Variants in PIGK observed in about 807,000 individuals in gnomAD.
PIGK encodes the protein phosphatidylinositol glycan anchor biosynthesis class K.
PIGK carries 42 observed loss-of-function variants against 50.6 expected under a neutral mutation model. The ratio of observed to expected loss-of-function variants is 0.83; its 90% CI spans 0.65 to 1.07. The LOEUF (loss-of-function observed/expected upper bound fraction) is 1.07. Among genes scored for constraint, PIGK ranks in the 50% least tolerant of loss-of-function variants. The probability of loss-of-function intolerance (pLI) is 0.00; values close to 1 mark genes in which losing one functional copy is unlikely to be tolerated. For synonymous variants in PIGK, 151 were observed against 156.0 expected (o/e 0.97, Z 0.24); for missense variants, 448 against 488.7 (o/e 0.92, Z 0.78).
At chr1:77,124,600 G>T in intron 9 of PIGK, among the ~76,000 whole-genome samples, 1 of 148,372 alleles carries the variant, frequency 6.7e-6, no homozygotes, top group Non-Finnish European at 1.5e-5. Context: ...CAGAGCAAGA[G>T]TCTCAAAACA....
At chr1:77,128,972 A>G (rs2689675) in intron 9 of PIGK, 93,847 of 598,328 alleles carry the variant, frequency 0.16, 9,683 homozygotes, top group African/African-American at 0.36. Context: ...AGTGAAAATT[A>G]CACAAAATTT....
At chr1:77,102,242 G>A (rs561034893) in intron 10 of PIGK, among the ~76,000 whole-genome samples, 1 of 152,314 alleles carries the variant, frequency 6.6e-6, no homozygotes, top group South Asian at 2.1e-4. Flanking sequence ...TCCAGGCTTA[G>A]TTTCCTGGTG....
chr1:77,209,857 A>C (rs1175342974), intron 2 of PIGK, among the ~76,000 whole-genome samples: 4 of 152,080 alleles, frequency 2.6e-5, no homozygotes, highest in African/African-American at 7.2e-5. Flanking sequence ...ATATCTATAT[A>C]TCTTTATGCT....
At chr1:77,133,093 T>G (rs1017351752) in intron 9 of PIGK, among the ~76,000 whole-genome samples, 6 of 152,294 alleles carry the variant, frequency 3.9e-5, no homozygotes, top group Admixed American at 3.3e-4. Context: ...CTTTAAATAT[T>G]GTCTGTTCTT....
chr1:77,149,823 C>T (rs1654853938), intron 9 of PIGK, among the ~76,000 whole-genome samples: 1 of 151,962 alleles, frequency 6.6e-6, no homozygotes, highest in Non-Finnish European at 1.5e-5. Context: ...AAAACATTAT[C>T]CAGGATAGAC....
chr1:77,218,409 A>T (rs1048789185), intron 1 of PIGK, among the ~76,000 whole-genome samples: 4 of 152,184 alleles, frequency 2.6e-5, no homozygotes, highest in Admixed American at 2.6e-4. Context: ...TGGAGAGGTG[A>T]GGGCAATTTT....
In PIGK at chr1:77,133,525, C is replaced by T. The variant is rs536333397; in HGVS notation, c.987-11166G>A. The stretch of plus-strand genomic sequence containing the variant: ...TTGTTTTTCTCTTGGTATATGATTA[C>T]GGTGTACTAGTAATTTTTAATTGAT... On this transcript the variant is annotated intron_variant, in intron 9 of 10. Transcript: ENST00000370812. Among the ~76,000 whole-genome samples the T allele has an allele frequency of 5.9e-5, 9 of 152,128 alleles. No individual in the cohort carries two copies. The South Asian group carries it at 1.0e-3, about 18-fold the overall frequency.
chr1:77,107,308 C>T (rs1272742795), intron 10 of PIGK, among the ~76,000 whole-genome samples: 6 of 152,132 alleles, frequency 3.9e-5, no homozygotes, highest in African/African-American at 1.2e-4. Context: ...TCGTTGGTTT[C>T]GAAGAACATC....
In PIGK at chr1:77,124,406, C is replaced by T. The variant is rs1238467694; in HGVS notation, c.987-2047G>A. 3.3e-5 allele frequency among the ~76,000 whole-genome samples: 5 copies of T among 151,904 alleles called. No individual in the cohort carries two copies. In the South Asian group the frequency reaches 6.2e-4, roughly 19 times the overall value. The stretch of plus-strand genomic sequence containing the variant: ...GGTGCATCTCTTGAAGTCAGGAATT[C>T]GAGACCAGCCTGGCCAACACAGTGA... On this transcript the variant is annotated intron_variant, in intron 9 of 10. Coordinates refer to ENST00000370812, the MANE Select transcript of PIGK (RefSeq NM_005482.3).
chr1:77,161,784 T>TG (rs1480322202), intron 6 of PIGK, 73 bp from the exon 7 acceptor site: 38 of 735,576 alleles, frequency 5.2e-5, no homozygotes, highest in Non-Finnish European at 8.7e-5. Context: ...TACAATACTT[T>TG]TGTAAGATGT....
intron 10 of PIGK, among the ~76,000 whole-genome samples, chr1:77,100,238 T>C (rs539480798): frequency 6.6e-6 from 1 of 152,326 alleles, no homozygotes; most frequent in African/African-American, 2.4e-5. Flanking sequence ...GCATATGAGT[T>C]CAGTTAAATT....
intron 8 of PIGK, among the ~76,000 whole-genome samples, chr1:77,159,158 G>A (rs533327981): frequency 3.3e-5 from 5 of 152,210 alleles, no homozygotes; most frequent in South Asian, 4.1e-4. Flanking sequence ...GGCTAAAATG[G>A]GCCAAAGTAC....
chr1:77,210,924 T>C (rs1343236169), intron 1 of PIGK, among the ~76,000 whole-genome samples: 1 of 152,046 alleles, frequency 6.6e-6, no homozygotes, highest in Admixed American at 6.6e-5. Flanking sequence ...GCATACTTAC[T>C]ATATAACTCA....
chr1:77,183,506 G>A (rs1373982984), intron 3 of PIGK, among the ~76,000 whole-genome samples: 1 of 152,160 alleles, frequency 6.6e-6, no homozygotes, highest in Non-Finnish European at 1.5e-5. Context: ...GGCCCCTACA[G>A]GTGAGGTTCA....
At chr1:77,185,213 T>C (rs754639811) in intron 3 of PIGK, among the ~76,000 whole-genome samples, 2 of 152,204 alleles carry the variant, frequency 1.3e-5, no homozygotes, top group Non-Finnish European at 2.9e-5. Flanking sequence ...GCAATATACC[T>C]TTACTGTCCT....
intron 9 of PIGK, among the ~76,000 whole-genome samples, chr1:77,127,739 A>C (rs978153117): frequency 7.2e-5 from 11 of 152,194 alleles, no homozygotes; most frequent in Admixed American, 5.9e-4. Context: ...AATTCTCTAC[A>C]CATACCAAAA....
At chr1:77,192,750 G>C (rs1655939659) in intron 3 of PIGK, among the ~76,000 whole-genome samples, 2 of 152,112 alleles carry the variant, frequency 1.3e-5, no homozygotes, top group African/African-American at 4.8e-5. Flanking sequence ...GAGTTAATGG[G>C]TATAGAGTAC....
intron 8 of PIGK, among the ~76,000 whole-genome samples, chr1:77,154,851 T>C (rs552223792): frequency 2.1e-4 from 32 of 152,278 alleles, no homozygotes; most frequent in African/African-American, 7.2e-4. Flanking sequence ...CTGGCCACTG[T>C]GGGAAAAGGC....
intron 3 of PIGK, among the ~76,000 whole-genome samples, chr1:77,184,318 C>G (rs1655691905): frequency 6.6e-6 from 1 of 152,126 alleles, no homozygotes; most frequent in African/African-American, 2.4e-5. Context: ...ATTACAAAAA[C>G]AGAGAATCAT....
Sources: allele counts gnomAD v4.1 joint callset (sites outside exome capture counted in the v4.1 genomes callset), GRCh38; gene constraint gnomAD v4.1.1; transcripts MANE v1.5; gene names NCBI Gene and HGNC (gene_info 2026-07-23, HGNC 2026-07-21).